RAPGEF2: variants seen among roughly 807,000 people sequenced by gnomAD.
RAPGEF2 encodes the protein PDZ domain containing guanine nucleotide exchange factor (GEF) 1.
Under a neutral mutation model 186.7 loss-of-function variants are expected in RAPGEF2, and 54 were observed. The ratio of observed to expected loss-of-function variants is 0.29; its 90% CI spans 0.23 to 0.36. The LOEUF (loss-of-function observed/expected upper bound fraction) is 0.36. Among genes scored for constraint, RAPGEF2 ranks in the 10% least tolerant of loss-of-function variants. RAPGEF2 has a pLI of 1.00. For synonymous variants in RAPGEF2, 712 were observed against 705.9 expected (o/e 1.01, Z -0.14); for missense variants, 1,532 against 2,045.0 (o/e 0.75, Z 4.84).
intron 7 of RAPGEF2, among the ~76,000 whole-genome samples, chr4:159,290,668 G>A (rs566296170): frequency 6.6e-6 from 1 of 152,206 alleles, no homozygotes; most frequent in East Asian, 1.9e-4. Flanking sequence ...ATTGGCAGAA[G>A]TGAGGGGGTC....
rs114560377 is a variant in RAPGEF2, at chr4:159,339,674, T to C, written c.2534+320T>C. On this transcript the variant is annotated intron_variant, in intron 19 of 29. Transcript: ENST00000691494. ...GGTCCTGGTTTGGAAGGGTAGAGTA[T>C]GCTTGATGTAAAGTCACGGGGTTAA... Among the ~76,000 whole-genome samples the C allele has an allele frequency of 3.0e-3, 453 of 152,316 alleles. 3 individuals are homozygous for C. Among genetic ancestry groups the C allele is most frequent in the African/African-American group, 9.4e-3 (392 of 41,570 alleles).
At chr4:159,156,495 A>T (rs191134216) in intron 1 of RAPGEF2, among the ~76,000 whole-genome samples, 102 of 152,204 alleles carry the variant, frequency 6.7e-4, no homozygotes, top group Non-Finnish European at 9.6e-4. Context: ...CATTTAAAAA[A>T]AATTATACTT....
intron 7 of RAPGEF2, among the ~76,000 whole-genome samples, chr4:159,251,197 C>T (rs952195672): frequency 6.6e-5 from 10 of 152,252 alleles, no homozygotes; most frequent in African/African-American, 1.9e-4. Flanking sequence ...ACCTGCAGCC[C>T]GCCATGTCCG....
intron 7 of RAPGEF2, among the ~76,000 whole-genome samples, chr4:159,271,913 A>C (rs1391472506): frequency 6.6e-6 from 1 of 152,204 alleles, no homozygotes; most frequent in Non-Finnish European, 1.5e-5. Context: ...ATGGTCAGGA[A>C]TAGTTGCCAT....
At chr4:159,352,630 C>T in intron 26 of RAPGEF2, 55 bp from the exon 27 acceptor site, 1 of 1,416,646 alleles carries the variant, frequency 7.1e-7, no homozygotes, top group East Asian at 2.3e-5. Context: ...GTAGACTTCC[C>T]TTTGATGTTA....
intron 13 of RAPGEF2, 64 bp downstream of exon 13, chr4:159,330,562 G>A (rs537813222): frequency 1.7e-6 from 2 of 1,186,712 alleles, no homozygotes; most frequent in African/African-American, 3.2e-5. Context: ...ACTTTAATGT[G>A]TATATTTGTC....
chr4:159,237,183 G>T (rs957233491), intron 4 of RAPGEF2, among the ~76,000 whole-genome samples: 1 of 151,930 alleles, frequency 6.6e-6, no homozygotes, highest in Non-Finnish European at 1.5e-5. Context: ...ACCATGCCTG[G>T]CTAATTTTTG....
chr4:159,330,162 G>C, intron 12 of RAPGEF2, 152 bp downstream of exon 12: 1 of 864,600 alleles, frequency 1.2e-6, no homozygotes, highest in Non-Finnish European at 1.8e-6. Context: ...GTGAATAGCA[G>C]TTTCATTAAT....
intron 8 of RAPGEF2, among the ~76,000 whole-genome samples, chr4:159,306,648 G>A (rs1763332970): frequency 1.3e-5 from 2 of 152,058 alleles, no homozygotes; most frequent in South Asian, 4.1e-4. Flanking sequence ...TAATTGCTCT[G>A]GCTAGGACTT....
intron 4 of RAPGEF2, among the ~76,000 whole-genome samples, chr4:159,231,024 A>G (rs1468498172): frequency 6.6e-6 from 1 of 152,186 alleles, no homozygotes; most frequent in Non-Finnish European, 1.5e-5. Flanking sequence ...CTGTGTAATA[A>G]TGTTTTAATC....
At position 159,243,802 on chromosome 4, in the gene RAPGEF2, T is replaced by C. The variant is rs1297133189; in HGVS notation, c.543+11T>C. ...TGCACTAAATCTCAGGTATTGTAAT[T>C]TGTGTGTGGTCTTCTGACACTAACC... is the stretch of plus-strand genomic sequence containing the variant. On this transcript the variant is annotated intron_variant, in intron 7 of 29. Coordinates refer to ENST00000691494, the MANE Select transcript of RAPGEF2 (RefSeq NM_001394067.2). 1 of 1,276,832 alleles carries C rather than the reference T, an allele frequency of 7.8e-7. No individual in the cohort carries two copies. Among genetic ancestry groups the C allele is most frequent in the Non-Finnish European group, 1.0e-6 (1 of 977,194 alleles). 79.1% of individuals were successfully genotyped at this position (1,276,832 alleles called of 1,614,324 possible). A position where few individuals can be genotyped will look rare whatever the true frequency, so the allele number is the denominator to read the frequency against.
At position 159,343,396 on chromosome 4, in the gene RAPGEF2, C is replaced by T; in HGVS notation, c.3246C>T (p.Phe1082=). ...ASVNMDPALM[F]RTRKKKWRSL... ...TGAACATGGACCCTGCCCTCATGTT[C>T]AGGACTCGGTGAGTATGTCATCTTC... Residue 1082 remains phenylalanine (F), a synonymous_variant, in exon 22 of 30, where the codon TTC becomes TTT. Transcript: ENST00000691494. 6.2e-7 allele frequency: 1 copy of T among 1,613,946 alleles called. No individual in the cohort carries two copies. The highest frequency in any genetic ancestry group is 8.5e-7 in the Non-Finnish European group (1 of 1,179,904).
rs890537341 is a variant in RAPGEF2, at chr4:159,142,007, A to C, written c.69+37776A>C. On this transcript the variant is annotated intron_variant, in intron 1 of 29. Coordinates refer to ENST00000691494, the MANE Select transcript of RAPGEF2 (RefSeq NM_001394067.2). The stretch of plus-strand genomic sequence containing the variant: ...TATGTGCAGAATGAAAGACAAAGCA[A>C]ATTCCCCTGTACCTTCTGAGTGTGT... Among the ~76,000 whole-genome samples the C allele has an allele frequency of 3.3e-5, 5 of 152,178 alleles. No individual in the cohort carries two copies. The East Asian group carries it at 9.6e-4, about 29-fold the overall frequency.
At chr4:159,344,398 A>G (rs1561321259) in intron 23 of RAPGEF2, among the ~76,000 whole-genome samples, 1 of 152,224 alleles carries the variant, frequency 6.6e-6, no homozygotes, top group Non-Finnish European at 1.5e-5. Flanking sequence ...GAAGGATATT[A>G]GAAGGGAAAA....
chr4:159,199,438 C>T (rs1043806972), intron 3 of RAPGEF2, among the ~76,000 whole-genome samples: 1 of 150,990 alleles, frequency 6.6e-6, no homozygotes, highest in African/African-American at 2.4e-5. Context: ...TCATGCCTAC[C>T]ATGGAAATTT....
chr4:159,124,072 T>G (rs751464810), intron 1 of RAPGEF2, among the ~76,000 whole-genome samples: 3 of 150,578 alleles, frequency 2.0e-5, no homozygotes, highest in South Asian at 4.2e-4. Context: ...GCCAGGCTGT[T>G]CTCAACTCCT....
In RAPGEF2 at chr4:159,289,817, T is replaced by C. The variant is rs1019744021; in HGVS notation, c.544-14525T>C. ...GAATTAGCCAGGCCAGGGGTGAGAGTGTTCTTCCCGGAAGAGGGAACAATG... is the reference window on the plus strand; with the variant it reads ...GAATTAGCCAGGCCAGGGGTGAGAGCGTTCTTCCCGGAAGAGGGAACAATG... On this transcript the variant is annotated intron_variant, in intron 7 of 29. Transcript: ENST00000691494. Among the ~76,000 whole-genome samples, 4 of 151,982 alleles carry C rather than the reference T, an allele frequency of 2.6e-5. 1 individual carries two copies. In the South Asian group the frequency reaches 8.3e-4, roughly 32 times the overall value.
intron 7 of RAPGEF2, chr4:159,267,414 G>A: frequency 1.0e-6 from 1 of 987,590 alleles, no homozygotes. Context: ...TCTCTTGCTA[G>A]CAGGCATGCT....
At chr4:159,313,639 C>T (rs186593469) in intron 8 of RAPGEF2, among the ~76,000 whole-genome samples, 11 of 151,956 alleles carry the variant, frequency 7.2e-5, no homozygotes, top group Admixed American at 5.9e-4. Flanking sequence ...TTGTAATATA[C>T]GTTTTCTACA....
Sources: allele counts gnomAD v4.1 joint callset (sites outside exome capture counted in the v4.1 genomes callset), GRCh38; gene constraint gnomAD v4.1.1; transcripts MANE v1.5; gene names NCBI Gene and HGNC (gene_info 2026-07-23, HGNC 2026-07-21).